The following KRI1 variants were observed in gnomAD, a reference collection of about 807,000 sequenced individuals.
KRI1 encodes KRI1 homolog.
A neutral mutation model predicts 97.0 loss-of-function variants in KRI1; 83 were observed. That is an observed-to-expected ratio of 0.86 (90% CI 0.72 to 1.03). The LOEUF (loss-of-function observed/expected upper bound fraction) is 1.03. Ranked by LOEUF, KRI1 falls within the 50% of genes least tolerant of loss-of-function variation. The pLI is 0.00. For missense variants in KRI1, 916 were observed against 928.4 expected (o/e 0.99, Z 0.17); for synonymous variants, 371 against 363.5 (o/e 1.02, Z -0.23).
Position 10,564,946 on chromosome 19 carries a change from G to T in KRI1, c.257C>A (p.Thr86Asn). 6.2e-7 allele frequency: 1 copy of T among 1,611,078 alleles called. No homozygotes were observed. The highest frequency in any genetic ancestry group is 8.5e-7 in the Non-Finnish European group (1 of 1,177,346). Residue 86 changes from threonine (T) to asparagine (N), a missense_variant, in exon 3 of 19, where the codon ACC (threonine) becomes AAC (asparagine). Thr to Asn is a moderately conservative substitution (Grantham distance 65). Around this residue, in one of 3 missense-constraint regions of KRI1, gnomAD observed 173 missense variants for 153.1 expected, o/e 1.13. Transcript: ENST00000312962. ...KDPRIYQKDA[T>N]FYNRTASSSD... The stretch of plus-strand genomic sequence containing the variant: ...CCCCGGACCTGTTCTGTTATAGAAG[G>T]TGGCATCTTTCTGATAAATGCGGGG...
chr19:10,556,404 A>G (rs942851608), intron 16 of KRI1, among the ~76,000 whole-genome samples: 1 of 152,182 alleles, frequency 6.6e-6, no homozygotes, highest in Non-Finnish European at 1.5e-5. Context: ...CTGGTGGCTC[A>G]CACCTGTAAT....
chr19:10,562,583 T>C lies in KRI1; in HGVS notation c.383+146A>G, dbSNP rs1916733781. On this transcript the variant is annotated intron_variant, in intron 4 of 18. Transcript: ENST00000312962. ...TCTGTCCTCAAGCGATCCTATTGCCTCAGCCTACCAAAGTGCTGGGATTAT... is the reference window on the plus strand; with the variant it reads ...TCTGTCCTCAAGCGATCCTATTGCCCCAGCCTACCAAAGTGCTGGGATTAT... 5 of 641,486 alleles carry C rather than the reference T, an allele frequency of 7.8e-6. No individual in the cohort carries two copies. The Admixed American group carries it at 1.0e-4, about 13-fold the overall frequency. 39.7% of individuals were successfully genotyped at this position (641,486 alleles called of 1,614,324 possible). A position where few individuals can be genotyped will look rare whatever the true frequency, so the allele number is the denominator to read the frequency against.
At chr19:10,561,536 A>G in intron 6 of KRI1, 131 bp downstream of exon 6, 4 of 954,416 alleles carry the variant, frequency 4.2e-6, no homozygotes, top group Non-Finnish European at 6.8e-6. Flanking sequence ...CTGTGATGTT[A>G]TTAACCCCGT....
chr19:10,560,011 A>G (rs985653200), intron 9 of KRI1, 75 bp from the exon 10 acceptor site: 1 of 1,546,232 alleles, frequency 6.5e-7, no homozygotes, highest in African/African-American at 1.4e-5. Flanking sequence ...ACGCCTGGGT[A>G]CGAAGCGTAT....
chr19:10,559,215 G>C (rs992655807), intron 12 of KRI1, 144 bp downstream of exon 12: 24 of 805,510 alleles, frequency 3.0e-5, no homozygotes, highest in Middle Eastern at 2.7e-4. Flanking sequence ...ATGTTGGCCA[G>C]GCTGATCTCG....
intron 16 of KRI1, among the ~76,000 whole-genome samples, chr19:10,557,003 C>T (rs899316332): frequency 5.3e-5 from 8 of 151,714 alleles, no homozygotes; most frequent in African/African-American, 1.9e-4. Context: ...GTAATATTTA[C>T]GGGGCGTGCC....
chr19:10,565,819 C>CCCA (rs773049401), intron 1 of KRI1, 29 bp from the exon 2 acceptor site: 3 of 1,550,732 alleles, frequency 1.9e-6, no homozygotes, highest in Non-Finnish European at 2.6e-6. Context: ...ATGCCCCCCC[C>CCCA]CAGGTCAGCC....
In KRI1 at chr19:10,560,325, C is replaced by A; in HGVS notation, c.787G>T (p.Glu263Ter). ...EEEEEDEEEM[E>*]EEEGVHGPPV... ...GCAGTGGCTCACCCCTCCTCTTCCT[C>A]CATTTCCTCTTCATCTTCCTCCTCC... Residue 263 changes from glutamate to a stop codon, truncating the protein, a stop_gained, in exon 9 of 19, where the codon GAG becomes TAG. Transcript: ENST00000312962. LOFTEE classifies it high-confidence loss of function. 6.2e-7 allele frequency: 1 copy of A among 1,610,556 alleles called. No individual in the cohort carries two copies. Among genetic ancestry groups the A allele is most frequent in the Non-Finnish European group, 8.5e-7 (1 of 1,178,512 alleles).
At chr19:10,561,761 GC>G (rs762221304) in intron 5 of KRI1, 29 bp downstream of exon 5, 4 of 1,613,652 alleles carry the variant, frequency 2.5e-6, no homozygotes, top group African/African-American at 1.3e-5. Flanking sequence ...AGGCCCCTCA[GC>G]CCCCCGACCC....
chr19:10,559,394 C>A lies in KRI1; in HGVS notation c.1159G>T (p.Asp387Tyr), dbSNP rs138762789. The A allele has an allele frequency of 1.9e-6, 3 of 1,614,038 alleles. No homozygotes were observed. The highest frequency in any genetic ancestry group is 2.7e-5 in the African/African-American group (2 of 75,004). Reference sequence around the variant, plus strand: ...TGGTCGTGCTGGGCAGGGTCGAAGTCGTCTTCAAGGTCCCCCTCCTCGAGG... The same window carrying A: ...TGGTCGTGCTGGGCAGGGTCGAAGTAGTCTTCAAGGTCCCCCTCCTCGAGG... ...LGLEEGDLED[D>Y]FDPAQHDQLM... The change falls in exon 12 of 19, where the codon GAC (aspartate) becomes TAC (tyrosine). Residue 387 changes from aspartate to tyrosine, a missense_variant. By Grantham distance (160) the Asp-to-Tyr change is radical. This residue lies in a region of KRI1 where 672 missense variants were observed against 667.2 expected (regional missense o/e 1.01). Coordinates refer to ENST00000312962, the MANE Select transcript of KRI1 (RefSeq NM_023008.5).
Position 10,562,824 on chromosome 19 carries a change from G to A in KRI1, c.288C>T (p.Asp96=), listed in dbSNP as rs1242140632. ...TFYNRTASSS[D]SEEDPEALEK... ...CCAAGGCTTCTGGGTCCTCCTCACT[G>A]TCTGATGACGATGCTGTTAACCCAC... Residue 96 remains aspartate, a synonymous_variant, in exon 4 of 19, where the codon GAC becomes GAT. Coordinates refer to ENST00000312962, the MANE Select transcript of KRI1 (RefSeq NM_023008.5). 3 of 1,608,524 alleles carry A rather than the reference G, an allele frequency of 1.9e-6. No individual in the cohort carries two copies. Among genetic ancestry groups the A allele is most frequent in the Non-Finnish European group, 2.6e-6 (3 of 1,175,086 alleles).
At position 10,559,737 on chromosome 19, in the gene KRI1, G is replaced by T. The variant is rs980756059; in HGVS notation, c.928-29C>A. ...GGCGCAATCAGAAAAGCCCACAAGGGCCGCAGAGATGATGTGGGGTTCCCT... is the reference window on the plus strand; with the variant it reads ...GGCGCAATCAGAAAAGCCCACAAGGTCCGCAGAGATGATGTGGGGTTCCCT... On this transcript the variant is annotated intron_variant, in intron 10 of 18. Transcript: ENST00000312962. 4 of 1,614,020 alleles carry T rather than the reference G, an allele frequency of 2.5e-6. No individual in the cohort carries two copies. The Admixed American group carries it at 6.7e-5, about 27-fold the overall frequency.
chr19:10,562,877 C>T, intron 3 of KRI1, 40 bp from the exon 4 acceptor site: 1 of 1,267,806 alleles, frequency 7.9e-7, no homozygotes, highest in Non-Finnish European at 1.2e-6. Flanking sequence ...ACCCACAACC[C>T]CCTTCTTTGC....
chr19:10,565,693 C>G, intron 2 of KRI1, 24 bp downstream of exon 2: 1 of 1,555,994 alleles, frequency 6.4e-7, no homozygotes, highest in Non-Finnish European at 8.7e-7. Flanking sequence ...CTCCGCACGT[C>G]CAGGACGGGG....
intron 12 of KRI1, among the ~76,000 whole-genome samples, chr19:10,558,558 T>C (rs1916592646): frequency 6.6e-6 from 1 of 152,150 alleles, no homozygotes; most frequent in Non-Finnish European, 1.5e-5. Context: ...TTTTTTTTTT[T>C]TGAAACAGAA....
chr19:10,565,897 C>T lies in KRI1; in HGVS notation c.94+9G>A. 1.3e-6 allele frequency: 2 copies of T among 1,533,222 alleles called. No homozygotes were observed. Among genetic ancestry groups the T allele is most frequent in the South Asian group, 1.2e-5 (1 of 82,714 alleles). The allele number at this position is 1,533,222 out of a possible 1,614,324, so 95.0% of individuals were successfully genotyped here. A position where few individuals can be genotyped will look rare whatever the true frequency, so the allele number is the denominator to read the frequency against. ...CGCAGGCTCCCGCGCGCATGCGCCC[C>T]GCACTCACGCCGCTGCAGTTCCTCG... On this transcript the variant is annotated intron_variant, in intron 1 of 18. Transcript: ENST00000312962.
intron 16 of KRI1, among the ~76,000 whole-genome samples, chr19:10,556,114 C>T (rs1395227413): frequency 6.6e-6 from 1 of 152,114 alleles, no homozygotes; most frequent in Non-Finnish European, 1.5e-5. Flanking sequence ...ACTATGTCAC[C>T]CAGGCTGGAG....
chr19:10,561,029 G>T lies in KRI1; in HGVS notation c.637C>A (p.Arg213=), dbSNP rs754917381. The change falls in exon 8 of 19, where the codon CGG becomes AGG. Residue 213 remains arginine, a synonymous_variant. Transcript: ENST00000312962. ...IEWLKGQKEI[R]NPDSLKELTH... ...AGTTCCTTCAGGGAATCTGGGTTCC[G>T]AATCTCTTTCTGTCCCTTCAGCCAC... The T allele has an allele frequency of 6.2e-7, 1 of 1,614,066 alleles. No homozygotes were observed. The highest frequency in any genetic ancestry group is 1.1e-5 in the South Asian group (1 of 91,072).
At chr19:10,562,231 G>C (rs1034794844) in intron 4 of KRI1, among the ~76,000 whole-genome samples, 37 of 152,002 alleles carry the variant, frequency 2.4e-4, no homozygotes, top group African/African-American at 8.9e-4. Context: ...TGTATTTTTA[G>C]TAGAGACGGG....
Sources: allele counts gnomAD v4.1 joint callset (sites outside exome capture counted in the v4.1 genomes callset), GRCh38; gene constraint gnomAD v4.1.1; regional missense constraint gnomAD v4.1.1; transcripts MANE v1.5; gene names NCBI Gene and HGNC (gene_info 2026-07-23, HGNC 2026-07-21).